The following MAPK8IP1 variants were observed in gnomAD, a reference collection of about 807,000 sequenced individuals.
MAPK8IP1 encodes the protein C-Jun-amino-terminal kinase-interacting protein 1.
Under a neutral mutation model 72.6 loss-of-function variants are expected in MAPK8IP1, and 17 were observed. That is an observed-to-expected ratio of 0.23 (90% CI 0.16 to 0.35). The LOEUF (loss-of-function observed/expected upper bound fraction) is 0.35. Among genes scored for constraint, MAPK8IP1 ranks in the 10% least tolerant of loss-of-function variants. The pLI is 1.00. For missense variants in MAPK8IP1, 789 were observed against 1,009.7 expected (o/e 0.78, Z 2.96); for synonymous variants, 401 against 443.4 (o/e 0.90, Z 1.20).
intron 3 of MAPK8IP1, 51 bp from the exon 4 acceptor site, chr11:45,901,929 C>A: frequency 7.0e-7 from 1 of 1,435,648 alleles, no homozygotes; most frequent in Non-Finnish European, 9.8e-7. Context: ...CCTCCCTGTG[C>A]CGGGCACTGT....
chr11:45,899,512 ACTGGAG>A (rs545005907), intron 2 of MAPK8IP1, among the ~76,000 whole-genome samples: 36 of 152,312 alleles, frequency 2.4e-4, no homozygotes, highest in African/African-American at 7.0e-4. Flanking sequence ...TGGCGGCAGA[ACTGGAG>A]CTAGATGGGG....
In MAPK8IP1 at chr11:45,900,288, C is replaced by T. The variant is rs1205788649; in HGVS notation, c.358C>T (p.Arg120Trp). The change falls in exon 3 of 12, where the codon CGG becomes TGG. Residue 120 changes from arginine (R) to tryptophan (W), a missense_variant. Physicochemically the swap from Arg to Trp is moderately radical, Grantham distance 101. Coordinates refer to ENST00000241014, the MANE Select transcript of MAPK8IP1 (RefSeq NM_005456.4). This position sits in a 1 kb window ranked among gnomAD's most constrained non-coding sequence, Gnocchi z 6.5. ...EEDDDEERAA[R>W]RPGAGPPKAE... Reference sequence around the variant, plus strand: ...GGACGACGACGAGGAGCGCGCGGCCCGGCGGCCGGGAGCGGGGCCGCCCAA... The same window carrying T: ...GGACGACGACGAGGAGCGCGCGGCCTGGCGGCCGGGAGCGGGGCCGCCCAA... The T allele has an allele frequency of 1.5e-6, 2 of 1,330,494 alleles. No individual in the cohort carries two copies. Among genetic ancestry groups the T allele is most frequent in the Non-Finnish European group, 1.9e-6 (2 of 1,047,154 alleles). 82.4% of individuals were successfully genotyped at this position (1,330,494 alleles called of 1,614,324 possible). A position where few individuals can be genotyped will look rare whatever the true frequency, so the allele number is the denominator to read the frequency against.
In MAPK8IP1 at chr11:45,903,593, G is replaced by T. The variant is rs1476484114; in HGVS notation, c.1493+153G>T. On this transcript the variant is annotated intron_variant, in intron 6 of 11. Transcript: ENST00000241014. The surrounding 1 kb of genome is among the most constrained non-coding windows in gnomAD (Gnocchi z 6.4). ...GGGAGGACAGTGTCCACTCTCTAGG[G>T]ACTCAGAGTATGGTGACAAAGAGGA... 2.0e-5 allele frequency among the ~76,000 whole-genome samples: 3 copies of T among 152,168 alleles called. No individual in the cohort carries two copies. The highest frequency in any genetic ancestry group is 7.2e-5 in the African/African-American group (3 of 41,440).
Position 45,900,011 on chromosome 11 carries a change from G to A in MAPK8IP1, c.208-127G>A, listed in dbSNP as rs1474573081. 1.6e-5 allele frequency: 8 copies of A among 512,096 alleles called. No homozygotes were observed. In the East Asian group the frequency reaches 3.2e-4, roughly 20 times the overall value. The allele number at this position is 512,096 out of a possible 1,614,324, so 31.7% of individuals were successfully genotyped here. A position where few individuals can be genotyped will look rare whatever the true frequency, so the allele number is the denominator to read the frequency against. The stretch of plus-strand genomic sequence containing the variant: ...GGCGAGAGCGCCCCAGTCTCCGGCG[G>A]CCCCTGCTCGGCTCCCCTCGTGCCC... On this transcript the variant is annotated intron_variant, in intron 2 of 11. Transcript: ENST00000241014. The surrounding 1 kb of genome is among the most constrained non-coding windows in gnomAD (Gnocchi z 6.5).
chr11:45,888,413 G>T (rs2086543552), intron 1 of MAPK8IP1, among the ~76,000 whole-genome samples: 1 of 152,192 alleles, frequency 6.6e-6, no homozygotes, highest in African/African-American at 2.4e-5. Context: ...ACACTTGCAT[G>T]AAGAAACTGA....
At position 45,906,254 on chromosome 11, in the gene MAPK8IP1, G is replaced by C. The variant is rs1590789886; in HGVS notation, c.*533G>C. ...CGTGGAGGTGAAGTCCCTGTTCTCA[G>C]CTCCGTCATCTGCGGGGCTTCTGGG... On this transcript the variant is annotated 3_prime_UTR_variant, in exon 12 of 12. Transcript: ENST00000241014. 5 of 326,906 alleles carry C rather than the reference G, an allele frequency of 1.5e-5. No individual in the cohort carries two copies. The East Asian group carries it at 2.6e-4, about 17-fold the overall frequency. The allele number at this position is 326,906 out of a possible 1,614,324, so 20.3% of individuals were successfully genotyped here. A position where few individuals can be genotyped will look rare whatever the true frequency, so the allele number is the denominator to read the frequency against.
chr11:45,896,937 C>T, intron 1 of MAPK8IP1: 1 of 1,573,968 alleles, frequency 6.4e-7, no homozygotes. Flanking sequence ...GTTGGAGGAT[C>T]AATGGGAGCG....
chr11:45,890,102 G>A (rs1232935715), intron 1 of MAPK8IP1, among the ~76,000 whole-genome samples: 1 of 152,206 alleles, frequency 6.6e-6, no homozygotes, highest in Admixed American at 6.5e-5. Context: ...ATCACCCAAG[G>A]GTGTCACTGG....
At chr11:45,899,987 G>C (rs1259567093) in intron 2 of MAPK8IP1, 151 bp from the exon 3 acceptor site, 4 of 382,426 alleles carry the variant, frequency 1.0e-5, no homozygotes, top group Non-Finnish European at 1.6e-5. Flanking sequence ...CGGCGGACGG[G>C]CGAGAGCGCC....
At chr11:45,905,538 A>C (rs2086700910) in intron 11 of MAPK8IP1, 111 bp from the exon 12 acceptor site, 1 of 968,240 alleles carries the variant, frequency 1.0e-6, no homozygotes, top group Non-Finnish European at 1.7e-6. Context: ...AGCCAGAGGA[A>C]CCAGAGCTGC....
intron 1 of MAPK8IP1, among the ~76,000 whole-genome samples, chr11:45,887,139 A>G (rs1186687671): frequency 3.9e-5 from 6 of 152,128 alleles, no homozygotes; most frequent in Non-Finnish European, 1.5e-5. Context: ...CTCCATGCAA[A>G]TACTGCCTCC....
At chr11:45,886,005 A>C in intron 1 of MAPK8IP1, 84 bp downstream of exon 1, 21 of 731,422 alleles carry the variant, frequency 2.9e-5, no homozygotes, top group East Asian at 4.6e-5. Flanking sequence ...CCACCCCAGA[A>C]CCTCGGGAAC....
In MAPK8IP1 at chr11:45,900,020, C is replaced by T; in HGVS notation, c.208-118C>T. 3.3e-6 allele frequency: 2 copies of T among 612,840 alleles called. No individual in the cohort carries two copies. The highest frequency in any genetic ancestry group is 2.0e-5 in the African/African-American group (1 of 51,108). 38.0% of individuals were successfully genotyped at this position (612,840 alleles called of 1,614,324 possible). A position where few individuals can be genotyped will look rare whatever the true frequency, so the allele number is the denominator to read the frequency against. ...GCCCCAGTCTCCGGCGGCCCCTGCT[C>T]GGCTCCCCTCGTGCCCCCTTCGCGC... is the stretch of plus-strand genomic sequence containing the variant. On this transcript the variant is annotated intron_variant, in intron 2 of 11. Coordinates refer to ENST00000241014, the MANE Select transcript of MAPK8IP1 (RefSeq NM_005456.4). This position sits in a 1 kb window ranked among gnomAD's most constrained non-coding sequence, Gnocchi z 6.5.
rs546467033 is a variant in MAPK8IP1 at position 45,906,152 on chromosome 11, A to T, written c.*431A>T. On this transcript the variant is annotated 3_prime_UTR_variant, in exon 12 of 12. Transcript: ENST00000241014. Reference sequence around the variant, plus strand: ...CAAGTGCCCGCCCTGCCCCTGCCCCAACCCCCACCGAAGAGCCCTGAGCTC... The same window carrying T: ...CAAGTGCCCGCCCTGCCCCTGCCCCTACCCCCACCGAAGAGCCCTGAGCTC... 49 of 312,530 alleles carry T rather than the reference A, an allele frequency of 1.6e-4. 1 individual carries two copies. The Middle Eastern group carries it at 5.8e-3, about 37-fold the overall frequency. 19.4% of individuals were successfully genotyped at this position (312,530 alleles called of 1,614,324 possible).
At position 45,902,530 on chromosome 11, in the gene MAPK8IP1, C is replaced by T. The variant is rs1448755999; in HGVS notation, c.763C>T (p.Pro255Ser). The change falls in exon 5 of 12, where the codon CCG becomes TCG. Residue 255 changes from proline (P) to serine (S), a missense_variant. Pro to Ser is a moderately conservative substitution (Grantham distance 74). Transcript: ENST00000241014. This position sits in a 1 kb window ranked among gnomAD's most constrained non-coding sequence, Gnocchi z 9.3. ...ACCTCCGGGTGGTCCCCCTGCTGCCCCGCCTGGGGGTCGGGGCCACTCGCA... is the reference window on the plus strand; with the variant it reads ...ACCTCCGGGTGGTCCCCCTGCTGCCTCGCCTGGGGGTCGGGGCCACTCGCA... ...MAPPGGPPAA[P>S]PGGRGHSHRD... The T allele has an allele frequency of 6.2e-7, 1 of 1,611,610 alleles. No individual in the cohort carries two copies. The highest frequency in any genetic ancestry group is 1.3e-5 in the African/African-American group (1 of 74,992).
chr11:45,901,785 C>T, intron 3 of MAPK8IP1, 195 bp from the exon 4 acceptor site: 1 of 711,034 alleles, frequency 1.4e-6, no homozygotes, highest in Non-Finnish European at 2.6e-6. Context: ...CCATCCAGAG[C>T]CGGCAAGCCT....
chr11:45,897,791 C>T (rs1435357716), intron 1 of MAPK8IP1, among the ~76,000 whole-genome samples: 1 of 152,206 alleles, frequency 6.6e-6, no homozygotes, highest in Non-Finnish European at 1.5e-5. Context: ...ACCAGTTGGG[C>T]CTTCTAAGCA....
intron 1 of MAPK8IP1, among the ~76,000 whole-genome samples, chr11:45,888,339 T>C (rs1188219034): frequency 6.6e-6 from 1 of 151,878 alleles, no homozygotes; most frequent in African/African-American, 2.4e-5. Context: ...ATTCTAAGAG[T>C]TTCCTATGTG....
In MAPK8IP1 at chr11:45,904,905, C is replaced by G. The variant is rs1166914880; in HGVS notation, c.1894-66C>G. Reference sequence around the variant, plus strand: ...TCCCCCAAGACTTGTGATGAAGAGGCCATCTCCTGTCACCCTCACTGCAGG... The same window carrying G: ...TCCCCCAAGACTTGTGATGAAGAGGGCATCTCCTGTCACCCTCACTGCAGG... On this transcript the variant is annotated intron_variant, in intron 9 of 11. Transcript: ENST00000241014. This position sits in a 1 kb window ranked among gnomAD's most constrained non-coding sequence, Gnocchi z 6.4. The G allele has an allele frequency of 6.3e-7, 1 of 1,597,316 alleles. No individual in the cohort carries two copies. Among genetic ancestry groups the G allele is most frequent in the African/African-American group, 1.3e-5 (1 of 74,554 alleles).
Sources: gnomAD v4.1 joint callset for allele counts (sites outside exome capture counted in the v4.1 genomes callset) on GRCh38, gnomAD v4.1.1 for gene constraint, Gnocchi (gnomAD v3.1) non-coding constraint, MANE v1.5 for transcripts, NCBI Gene and HGNC (gene_info 2026-07-23, HGNC 2026-07-21) for gene names.